The following FHAD1 variants were observed in gnomAD, a reference collection of about 807,000 sequenced individuals.
FHAD1 encodes forkhead-associated domain-containing protein 1.
In FHAD1, 146 loss-of-function variants were observed where a neutral mutation model predicts 191.3. The observed-to-expected ratio is 0.76, with a 90% confidence interval of 0.67 to 0.88. The LOEUF is 0.88. Among genes scored for constraint, FHAD1 ranks in the 40% least tolerant of loss-of-function variants. The probability of loss-of-function intolerance (pLI) is 0.00; values close to 1 mark genes in which losing one functional copy is unlikely to be tolerated. For missense variants in FHAD1, 1,635 were observed against 1,785.8 expected, an observed-to-expected ratio of 0.92 and a Z score of 1.52; for synonymous variants, 616 against 672.3, an observed-to-expected ratio of 0.92 and a Z score of 1.29.
intron 22 of FHAD1, among the ~76,000 whole-genome samples, chr1:15,362,163 G>T (rs185106636): frequency 4.6e-5 from 7 of 152,322 alleles, no homozygotes; most frequent in Non-Finnish European, 1.5e-5. Flanking sequence ...TTAGTTGAAG[G>T]GATAAACAAG....
intron 32 of FHAD1, among the ~76,000 whole-genome samples, chr1:15,388,662 G>A (rs1348763439): frequency 2.6e-5 from 4 of 151,974 alleles, no homozygotes; most frequent in South Asian, 2.1e-4. Context: ...TTCTACCCCC[G>A]CCAAGGGGAG....
intron 31 of FHAD1, chr1:15,383,083 A>G: frequency 2.1e-6 from 1 of 471,624 alleles, no homozygotes; most frequent in South Asian, 1.5e-5. Context: ...CCTGGGCTCA[A>G]ATCCCCGCAC....
At position 15,316,661 on chromosome 1, in the gene FHAD1, C is replaced by T. The variant is rs1674555130; in HGVS notation, c.1260+194C>T. On this transcript the variant is annotated intron_variant, in intron 9 of 33. Transcript: ENST00000688493. This position sits in a 1 kb window ranked among gnomAD's most constrained non-coding sequence, Gnocchi z 4.3. ...ATGGGTGAAGGGGCCCCAGGATTCCCTGGGCAGTTGGCTCTAGCTCCCTCA... is the reference window on the plus strand; with the variant it reads ...ATGGGTGAAGGGGCCCCAGGATTCCTTGGGCAGTTGGCTCTAGCTCCCTCA... Among the ~76,000 whole-genome samples, 1 of 152,128 alleles carries T rather than the reference C, an allele frequency of 6.6e-6. No individual in the cohort carries two copies. Among genetic ancestry groups the T allele is most frequent in the Admixed American group, 6.5e-5 (1 of 15,280 alleles).
intron 4 of FHAD1, among the ~76,000 whole-genome samples, chr1:15,290,611 GTCA>G (rs1305609069): frequency 1.3e-5 from 2 of 151,950 alleles, no homozygotes; most frequent in African/African-American, 4.8e-5. Context: ...CATCATCACC[GTCA>G]TCATCAAATG....
intron 2 of FHAD1, among the ~76,000 whole-genome samples, chr1:15,269,818 G>A (rs1371245764): frequency 6.6e-6 from 1 of 151,700 alleles, no homozygotes; most frequent in Non-Finnish European, 1.5e-5. Context: ...GTCAGCTTTT[G>A]CCTTGTGTAT....
chr1:15,392,052 G>A (rs1704200407), intron 33 of FHAD1, among the ~76,000 whole-genome samples: 1 of 152,196 alleles, frequency 6.6e-6, no homozygotes, highest in African/African-American at 2.4e-5. Context: ...GGATATTGTG[G>A]TGCTCTTAGA....
chr1:15,369,971 T>C (rs1697618016), intron 26 of FHAD1, among the ~76,000 whole-genome samples: 1 of 152,198 alleles, frequency 6.6e-6, no homozygotes, highest in South Asian at 2.1e-4. Flanking sequence ...TATATTTATT[T>C]ATTCATTCAT....
upstream of FHAD1, among the ~76,000 whole-genome samples, chr1:15,245,116 A>T (rs1645852024): frequency 6.6e-6 from 1 of 152,182 alleles, no homozygotes. Flanking sequence ...TGCACCCTAC[A>T]GGAACAGCAC....
At chr1:15,377,345 T>C (rs928854314) in intron 28 of FHAD1, among the ~76,000 whole-genome samples, 12 of 152,098 alleles carry the variant, frequency 7.9e-5, no homozygotes, top group Non-Finnish European at 1.2e-4. Flanking sequence ...TGAGATCAGT[T>C]TGATTCCCAG....
upstream of FHAD1, chr1:15,247,142 T>G (rs1272981491): frequency 1.3e-5 from 2 of 153,054 alleles, no homozygotes; most frequent in Admixed American, 6.5e-5. Flanking sequence ...CCAGTGGGCG[T>G]TCCCTGCACG....
At chr1:15,243,349 GCTCT>G (rs1437976224), upstream of FHAD1, among the ~76,000 whole-genome samples, 1 of 152,162 alleles carries the variant, frequency 6.6e-6, no homozygotes, top group Non-Finnish European at 1.5e-5. Flanking sequence ...TGGGCCCTCT[GCTCT>G]CTGTCATCCG....
intron 24 of FHAD1, among the ~76,000 whole-genome samples, chr1:15,366,491 T>C (rs1696512696): frequency 6.6e-6 from 1 of 152,154 alleles, no homozygotes; most frequent in Non-Finnish European, 1.5e-5. Context: ...TGCACTGAAA[T>C]GCAACTTACT....
rs1706355184 is a variant in FHAD1 at position 15,397,330 on chromosome 1, C to G, written c.4357C>G (p.Gln1453Glu). 1.3e-6 allele frequency: 2 copies of G among 1,542,974 alleles called. No homozygotes were observed. The highest frequency in any genetic ancestry group is 1.8e-6 in the Non-Finnish European group (2 of 1,141,332). Residue 1453 changes from glutamine to glutamate, a missense_variant, in exon 34 of 34, where the codon CAA (glutamine) becomes GAA (glutamate). Gln to Glu is a conservative substitution (Grantham distance 29). Coordinates refer to ENST00000688493, the MANE Select transcript of FHAD1 (RefSeq NM_001391957.1). ...CAGAAAAGCCTCCCTAAAGATGGAC[C>G]AAGAAAGAGAGATGCTGAGGAAAGA... ...GTRKASLKMDQEREMLRKETS... is the reference protein window; with the variant it reads ...GTRKASLKMDEEREMLRKETS...
At chr1:15,362,184 C>T (rs984236904) in intron 22 of FHAD1, among the ~76,000 whole-genome samples, 2 of 152,104 alleles carry the variant, frequency 1.3e-5, no homozygotes, top group Non-Finnish European at 2.9e-5. Context: ...TGAGTGAACA[C>T]GTGAGGATAA....
Position 15,316,789 on chromosome 1 carries a change from C to T in FHAD1, c.1260+322C>T, listed in dbSNP as rs1208880654. On this transcript the variant is annotated intron_variant, in intron 9 of 33. Transcript: ENST00000688493. The surrounding 1 kb of genome is among the most constrained non-coding windows in gnomAD (Gnocchi z 4.3). ...CCCCTGCCCCACCCCTGACCTGTGA[C>T]TCCCAAACATGTATTCCACTGTCCC... 6.6e-6 allele frequency among the ~76,000 whole-genome samples: 1 copy of T among 152,228 alleles called. No individual in the cohort carries two copies. Among genetic ancestry groups the T allele is most frequent in the Non-Finnish European group, 1.5e-5 (1 of 68,040 alleles).
chr1:15,332,898 G>T (rs552254483), intron 14 of FHAD1, among the ~76,000 whole-genome samples: 1 of 152,114 alleles, frequency 6.6e-6, no homozygotes, highest in African/African-American at 2.4e-5. Flanking sequence ...TTGTTAACAC[G>T]CACCCTGGGT....
At chr1:15,389,464 A>AAAAAAAAAAAAAAAAAAAAAAC (rs1458868641) in intron 32 of FHAD1, among the ~76,000 whole-genome samples, 1 of 151,190 alleles carries the variant, frequency 6.6e-6, no homozygotes, top group Non-Finnish European at 1.5e-5. Context: ...AAAAAAAAAA[A>AAAAAAAAAAAAAAAAAAAAAAC]AAAACCTGCT....
intron 6 of FHAD1, among the ~76,000 whole-genome samples, chr1:15,304,843 G>A (rs745437443): frequency 6.6e-6 from 1 of 152,082 alleles, no homozygotes; most frequent in African/African-American, 2.4e-5. Context: ...TGATCCTTCT[G>A]TTAATTCTAC....
In FHAD1 at chr1:15,316,399, T is replaced by C; in HGVS notation, c.1192T>C (p.Leu398=). 6.4e-7 allele frequency: 1 copy of C among 1,551,492 alleles called. No individual in the cohort carries two copies. Among genetic ancestry groups the C allele is most frequent in the Non-Finnish European group, 8.7e-7 (1 of 1,146,960 alleles). Residue 398 remains leucine, a synonymous_variant, in exon 9 of 34, where the codon TTA becomes CTA. Transcript: ENST00000688493. The surrounding 1 kb of genome is among the most constrained non-coding windows in gnomAD (Gnocchi z 4.3). ...GSRCSVLKEE[L]KQEDAHRELR... ...ACAGTGCTCGGTGCTAAAGGAAGAG[T>C]TAAAACAGGAAGATGCTCACAGGGA...
Sources: allele counts gnomAD v4.1 joint callset (sites outside exome capture counted in the v4.1 genomes callset), GRCh38; gene constraint gnomAD v4.1.1; non-coding constraint Gnocchi (gnomAD v3.1); transcripts MANE v1.5; gene names NCBI Gene and HGNC (gene_info 2026-07-23, HGNC 2026-07-21).